The following NBEA variants were observed in gnomAD, a reference collection of about 807,000 sequenced individuals.
NBEA encodes neurobeachin.
NBEA carries 44 observed loss-of-function variants against 343.4 expected under a neutral mutation model. The ratio of observed to expected loss-of-function variants is 0.13; its 90% CI spans 0.10 to 0.16. The LOEUF is 0.16. Ranked by LOEUF, NBEA falls within the 10% of genes least tolerant of loss-of-function variation. NBEA has a pLI of 1.00. For synonymous variants in NBEA, 1,175 were observed against 1,238.7 expected (o/e 0.95, Z 1.08); for missense variants, 2,555 against 3,631.3 (o/e 0.70, Z 7.62).
Position 35,079,614 on chromosome 13 carries a change from G to A in NBEA, c.1571+8762G>A, listed in dbSNP as rs1447265337. 6.6e-5 allele frequency among the ~76,000 whole-genome samples: 10 copies of A among 152,134 alleles called. 1 individual carries two copies. The highest frequency in any genetic ancestry group is 2.4e-4 in the African/African-American group (10 of 41,510). On this transcript the variant is annotated intron_variant, in intron 10 of 58. Transcript: ENST00000379939. ...TATACCACTAATAAAAGTGTAGATA[G>A]TATACTAATAAAAATGTGGCTATTT...
In NBEA at chr13:35,311,396, T is replaced by G. The variant is rs1040771175; in HGVS notation, c.5903+1804T>G. On this transcript the variant is annotated intron_variant, in intron 36 of 58. Transcript: ENST00000379939. ...GAATTGAACCTCTAAACACTTAAAT[T>G]AAGATTATAGTAATAGGCTTAGAAA... 2.0e-5 allele frequency among the ~76,000 whole-genome samples: 3 copies of G among 151,990 alleles called. No individual in the cohort carries two copies. The East Asian group carries it at 5.8e-4, about 29-fold the overall frequency.
intron 38 of NBEA, among the ~76,000 whole-genome samples, chr13:35,365,835 A>T (rs1009579073): frequency 6.6e-6 from 1 of 151,596 alleles, no homozygotes; most frequent in East Asian, 1.9e-4. Flanking sequence ...TTTGTTTTTC[A>T]TAAGTGAAGA....
Position 34,942,720 on chromosome 13 carries a change from G to C in NBEA, c.-101G>C. ...GGCGCCGCGGCGCTGGTGGATGCTG[G>C]GGCTCCGAGGCGACGGCCGGGGGGC... is the stretch of plus-strand genomic sequence containing the variant. On this transcript the variant is annotated 5_prime_UTR_variant, in exon 1 of 59. Coordinates refer to ENST00000379939, the MANE Select transcript of NBEA (RefSeq NM_001385012.1). 2.1e-6 allele frequency: 2 copies of C among 973,140 alleles called. No homozygotes were observed. The highest frequency in any genetic ancestry group is 4.5e-5 in the South Asian group (1 of 22,000). The allele number at this position is 973,140 out of a possible 1,614,324, so 60.3% of individuals were successfully genotyped here. A position where few individuals can be genotyped will look rare whatever the true frequency, so the allele number is the denominator to read the frequency against.
intron 36 of NBEA, 76 bp downstream of exon 36, chr13:35,309,668 C>G (rs2037224581): frequency 1.3e-6 from 1 of 750,758 alleles, no homozygotes; most frequent in Non-Finnish European, 2.1e-6. Context: ...TTCCTACCAT[C>G]TGTTCCAAAA....
chr13:35,549,541 C>T (rs1566304771), intron 41 of NBEA, among the ~76,000 whole-genome samples: 1 of 152,004 alleles, frequency 6.6e-6, no homozygotes, highest in Non-Finnish European at 1.5e-5. Flanking sequence ...ACCAGAAGTC[C>T]AGATGTGGAT....
At chr13:35,016,302 A>G (rs2061655404) in intron 1 of NBEA, among the ~76,000 whole-genome samples, 1 of 147,032 alleles carries the variant, frequency 6.8e-6, no homozygotes, top group African/African-American at 2.5e-5. Flanking sequence ...AAATGAGGAT[A>G]ACTTGTAAAG....
intron 16 of NBEA, among the ~76,000 whole-genome samples, chr13:35,123,057 C>G (rs898569222): frequency 1.3e-5 from 2 of 152,040 alleles, no homozygotes; most frequent in Non-Finnish European, 2.9e-5. Context: ...TTTGGGAGGC[C>G]GAGGTGGTCG....
chr13:35,523,272 A>G (rs1377793790), intron 41 of NBEA, among the ~76,000 whole-genome samples: 1 of 152,176 alleles, frequency 6.6e-6, no homozygotes, highest in Non-Finnish European at 1.5e-5. Context: ...GTCTTCAAGA[A>G]TTTAGGTATG....
chr13:35,232,217 C>T (rs750292624), intron 33 of NBEA, among the ~76,000 whole-genome samples: 8 of 152,238 alleles, frequency 5.3e-5, no homozygotes, highest in African/African-American at 9.6e-5. Context: ...ATTTACATGA[C>T]GCTCATAGAG....
intron 36 of NBEA, among the ~76,000 whole-genome samples, chr13:35,314,582 A>G (rs1566605936): frequency 2.0e-5 from 3 of 152,106 alleles, no homozygotes; most frequent in Non-Finnish European, 4.4e-5. Context: ...AATGCATAGT[A>G]TAATACATAG....
chr13:35,118,479 G>T lies in NBEA; in HGVS notation c.2243+5G>T. 6.4e-7 allele frequency: 1 copy of T among 1,573,004 alleles called. No homozygotes were observed. On this transcript the variant is annotated splice_donor_5th_base_variant and intron_variant, in intron 16 of 58. Transcript: ENST00000379939. ...TGATCAAAGAAATGGAATAAGGTATGATTATAATATTAGTATTACTATTAG... is the reference window on the plus strand; with the variant it reads ...TGATCAAAGAAATGGAATAAGGTATTATTATAATATTAGTATTACTATTAG...
chr13:35,584,617 A>C (rs2081206959), intron 46 of NBEA, among the ~76,000 whole-genome samples: 1 of 151,260 alleles, frequency 6.6e-6, no homozygotes, highest in African/African-American at 2.4e-5. Flanking sequence ...CTCCTCCCTC[A>C]GCCTCCAGAG....
intron 41 of NBEA, among the ~76,000 whole-genome samples, chr13:35,495,809 A>G (rs889500234): frequency 1.3e-5 from 2 of 152,068 alleles, no homozygotes; most frequent in African/African-American, 4.8e-5. Flanking sequence ...AGATTTTTTG[A>G]CACAATGGAA....
chr13:35,491,538 T>G (rs1372464946), intron 41 of NBEA, among the ~76,000 whole-genome samples: 1 of 151,894 alleles, frequency 6.6e-6, no homozygotes, highest in Non-Finnish European at 1.5e-5. Context: ...ATGGCTGTCA[T>G]CTTTGACTCC....
intron 34 of NBEA, among the ~76,000 whole-genome samples, chr13:35,272,369 AAGGAACAACCG>A (rs1168921874): frequency 6.6e-6 from 1 of 152,218 alleles, no homozygotes; most frequent in Non-Finnish European, 1.5e-5. Context: ...TAAACTTGGA[AAGGAACAACCG>A]GTACCAGCCA....
chr13:35,369,253 T>G (rs1371385770), intron 38 of NBEA, among the ~76,000 whole-genome samples: 1 of 151,392 alleles, frequency 6.6e-6, no homozygotes, highest in East Asian at 1.9e-4. Flanking sequence ...GGGTTTCCTA[T>G]TCTGTTCCAT....
intron 16 of NBEA, among the ~76,000 whole-genome samples, chr13:35,118,972 G>A (rs1426164269): frequency 6.6e-6 from 1 of 151,954 alleles, no homozygotes; most frequent in African/African-American, 2.4e-5. Flanking sequence ...TGAAACATGA[G>A]TTGAAGGACA....
intron 55 of NBEA, among the ~76,000 whole-genome samples, chr13:35,659,830 G>T (rs187662142): frequency 6.6e-6 from 1 of 152,322 alleles, no homozygotes; most frequent in African/African-American, 2.4e-5. Flanking sequence ...GAATTGCAAA[G>T]ATGTGAAGGA....
At chr13:35,275,724 C>T (rs2034534669) in intron 34 of NBEA, among the ~76,000 whole-genome samples, 1 of 152,136 alleles carries the variant, frequency 6.6e-6, no homozygotes, top group South Asian at 2.1e-4. Flanking sequence ...CAAAAGAAGA[C>T]ATTTATGCAG....
Sources: gnomAD v4.1 joint callset for allele counts (sites outside exome capture counted in the v4.1 genomes callset) on GRCh38, gnomAD v4.1.1 for gene constraint, MANE v1.5 for transcripts, NCBI Gene and HGNC (gene_info 2026-07-23, HGNC 2026-07-21) for gene names.